ZNG1B: variants seen among roughly 807,000 people sequenced by gnomAD.
The protein encoded by ZNG1B is Zn regulated GTPase metalloprotein activator 1B, also known as zinc-regulated GTPase metalloprotein activator 1B.
At chr2:113,445,796 ATTT>A in the ZNG1B span, among the ~76,000 whole-genome samples, 5 of 125,512 alleles carry the variant, frequency 4.0e-5, no homozygotes, top group Admixed American at 8.2e-5. Context: ...CCATACCATT[ATTT>A]TTTTTTTTTT....
chr2:113,444,093 T>A, the ZNG1B span: 1 of 461,030 alleles, frequency 2.2e-6, no homozygotes, highest in Non-Finnish European at 4.0e-6. Flanking sequence ...TTGCTTTTGA[T>A]GTCAGGGCTT....
At chr2:113,466,538 T>C in the ZNG1B span, 1 of 974,702 alleles carries the variant, frequency 1.0e-6, no homozygotes, top group Non-Finnish European at 1.2e-6. Flanking sequence ...AGTGAGCAAG[T>C]GACTAAAATC....
chr2:113,451,067 C>T, the ZNG1B span, among the ~76,000 whole-genome samples: 2 of 152,212 alleles, frequency 1.3e-5, no homozygotes, highest in East Asian at 1.9e-4. Flanking sequence ...AGAATGTGAC[C>T]TGACCTTCTC....
At chr2:113,474,245 T>C in the ZNG1B span, among the ~76,000 whole-genome samples, 4 of 152,212 alleles carry the variant, frequency 2.6e-5, no homozygotes, top group African/African-American at 9.6e-5. Context: ...AATTTATCCA[T>C]TTCTTCTAGA....
the ZNG1B span, among the ~76,000 whole-genome samples, chr2:113,486,820 C>G: frequency 3.3e-5 from 5 of 152,272 alleles, no homozygotes; most frequent in Admixed American, 6.5e-5. Context: ...TTGCGACATT[C>G]TCAATATAGT....
At chr2:113,494,866 A>G in the ZNG1B span, 2 of 750,756 alleles carry the variant, frequency 2.7e-6, no homozygotes, top group Non-Finnish European at 3.4e-6. Context: ...ATCCTAATAT[A>G]TGTATTAACT....
chr2:113,477,107 C>G, the ZNG1B span, among the ~76,000 whole-genome samples: 2 of 152,216 alleles, frequency 1.3e-5, no homozygotes, highest in Admixed American at 1.3e-4. Flanking sequence ...GCGGGCGCCC[C>G]TCCCCCAGCC....
chr2:113,484,628 G>A, the ZNG1B span, among the ~76,000 whole-genome samples: 5 of 152,074 alleles, frequency 3.3e-5, no homozygotes, highest in South Asian at 2.1e-4. Context: ...TGTACAATTC[G>A]ATGTTTGGGT....
chr2:113,438,898 T>C, the ZNG1B span: 1 of 1,360,484 alleles, frequency 7.4e-7, no homozygotes, highest in Non-Finnish European at 1.0e-6. Flanking sequence ...CGTGACCTTT[T>C]ATGTAAAAAT....
the ZNG1B span, among the ~76,000 whole-genome samples, chr2:113,448,943 T>G: frequency 6.6e-6 from 1 of 151,908 alleles, no homozygotes; most frequent in Non-Finnish European, 1.5e-5. Flanking sequence ...GTCTGTTGCT[T>G]AGTGTAGCTA....
the ZNG1B span, among the ~76,000 whole-genome samples, chr2:113,458,606 A>C: frequency 5.4e-5 from 7 of 129,160 alleles, no homozygotes; most frequent in Admixed American, 1.7e-4. Flanking sequence ...CATTTAAAAC[A>C]TTGCACATTA....
chr2:113,481,945 C>G, the ZNG1B span: 1 of 553,406 alleles, frequency 1.8e-6, no homozygotes, highest in Admixed American at 3.5e-5. Flanking sequence ...TCTCTTTATT[C>G]TGTGCATATG....
At chr2:113,477,492 G>A in the ZNG1B span, among the ~76,000 whole-genome samples, 1 of 152,124 alleles carries the variant, frequency 6.6e-6, no homozygotes, top group Non-Finnish European at 1.5e-5. Flanking sequence ...CGTCTCTCAC[G>A]CTGGGAGCTG....
the ZNG1B span, chr2:113,469,554 C>T: frequency 8.9e-5 from 13 of 146,276 alleles, no homozygotes; most frequent in Non-Finnish European, 1.8e-4. Context: ...CTTCATAGAA[C>T]ATTTGCTTCT....
At chr2:113,437,825 G>T in the ZNG1B span, 1 of 1,610,118 alleles carries the variant, frequency 6.2e-7, no homozygotes, top group Non-Finnish European at 8.5e-7. Context: ...ACGGCGTGTT[G>T]GTCCCAGCGG....
At chr2:113,457,265 CA>C in the ZNG1B span, 1 of 385,174 alleles carries the variant, frequency 2.6e-6, no homozygotes, top group South Asian at 2.0e-5. Context: ...TGAAACAATT[CA>C]GTCAGAAAAC....
At chr2:113,477,284 G>T in the ZNG1B span, among the ~76,000 whole-genome samples, 33,387 of 151,920 alleles carry the variant, frequency 0.22, 3,893 homozygotes, top group East Asian at 0.52. Context: ...CGATCTTCCA[G>T]GTGCCGTCTG....
the ZNG1B span, among the ~76,000 whole-genome samples, chr2:113,473,396 T>C: frequency 6.8e-6 from 1 of 147,734 alleles, no homozygotes; most frequent in African/African-American, 2.5e-5. Flanking sequence ...GCTGAGATGA[T>C]GGGGTTTTCT....
chr2:113,449,117 C>T, the ZNG1B span, among the ~76,000 whole-genome samples: 1 of 151,398 alleles, frequency 6.6e-6, no homozygotes, highest in East Asian at 2.0e-4. Context: ...CTAGCTTCCT[C>T]ACCTCTCTCA....
Sources: gnomAD v4.1 joint callset for allele counts (sites outside exome capture counted in the v4.1 genomes callset) on GRCh38, gnomAD v4.1.1 for gene constraint, MANE v1.5 for transcripts, NCBI Gene and HGNC (gene_info 2026-07-23, HGNC 2026-07-21) for gene names.